The following RAB11FIP5 variants were observed in gnomAD, a reference collection of about 807,000 sequenced individuals.
The protein encoded by RAB11FIP5 is rab11 family-interacting protein 5.
Under a neutral mutation model 85.1 loss-of-function variants are expected in RAB11FIP5, and 48 were observed. The observed-to-expected ratio is 0.56, with a 90% CI of 0.45 to 0.72. The LOEUF (loss-of-function observed/expected upper bound fraction) is 0.72. Among genes scored for constraint, RAB11FIP5 ranks in the 30% least tolerant of loss-of-function variants. RAB11FIP5 has a pLI of 0.00. For synonymous variants in RAB11FIP5, 729 were observed against 727.3 expected, an observed-to-expected ratio of 1.00 and a Z score of -0.04; for missense variants, 1,491 against 1,687.0, an observed-to-expected ratio of 0.88 and a Z score of 2.04.
Position 73,109,788 on chromosome 2 carries a change from G to T in RAB11FIP5, c.431+2559C>A, listed in dbSNP as rs181192808. Among the ~76,000 whole-genome samples the T allele has an allele frequency of 2.9e-4, 44 of 152,212 alleles. No homozygotes were observed. In the East Asian group the frequency reaches 6.6e-3, roughly 23 times the overall value. On this transcript the variant is annotated intron_variant, in intron 1 of 5. Transcript: ENST00000486777. Reference sequence around the variant, plus strand: ...GTACTCCGTCACCCATGGTCCTAAGGCTTTCCTAGGCTCTAAGTTCTAGAC... The same window carrying T: ...GTACTCCGTCACCCATGGTCCTAAGTCTTTCCTAGGCTCTAAGTTCTAGAC...
At chr2:73,096,547 CCAAA>C (rs1684323702) in intron 1 of RAB11FIP5, among the ~76,000 whole-genome samples, 1 of 152,162 alleles carries the variant, frequency 6.6e-6, no homozygotes, top group Non-Finnish European at 1.5e-5. Flanking sequence ...ATTCCAGACT[CCAAA>C]CAACCTAGAA....
At chr2:73,082,007 C>G (rs888218676) in intron 3 of RAB11FIP5, among the ~76,000 whole-genome samples, 1 of 150,454 alleles carries the variant, frequency 6.6e-6, no homozygotes, top group Non-Finnish European at 1.5e-5. Flanking sequence ...GAATTTACAT[C>G]TGGGAAAACT....
intron 1 of RAB11FIP5, among the ~76,000 whole-genome samples, chr2:73,100,407 C>T (rs945045559): frequency 6.1e-5 from 9 of 148,568 alleles, no homozygotes; most frequent in South Asian, 2.1e-4. Context: ...TGAAAAATAA[C>T]GGGTTTTTTT....
rs1411409678 is a variant in RAB11FIP5, at chr2:73,088,180, G to A, written c.1438C>T (p.Arg480Ter). Residue 480 changes from arginine (R) to a stop codon, truncating the protein, a stop_gained, in exon 3 of 6, where the codon CGA (arginine) becomes TGA (stop). Coordinates refer to ENST00000486777, the MANE Select transcript of RAB11FIP5 (RefSeq NM_001371272.1). LOFTEE classifies it high-confidence loss of function. ...CCCCCCTTTTCCCCCAGAGAGCTTC[G>A]GCGACCCAACTCGCTCCGACTTAGG... ...QGLSRSELGR[R>*]SSLGEKGGPI... 12 of 1,613,788 alleles carry A rather than the reference G, an allele frequency of 7.4e-6. No individual in the cohort carries two copies. Among genetic ancestry groups the A allele is most frequent in the Admixed American group, 3.3e-5 (2 of 59,998 alleles).
chr2:73,112,101 G>A (rs2106128691), intron 1 of RAB11FIP5, among the ~76,000 whole-genome samples: 2 of 152,228 alleles, frequency 1.3e-5, no homozygotes, highest in Middle Eastern at 6.8e-3. Context: ...TACTCCTAAC[G>A]TTCGCCACCA....
intron 3 of RAB11FIP5, among the ~76,000 whole-genome samples, chr2:73,083,433 C>T (rs1038738138): frequency 3.3e-5 from 5 of 152,120 alleles, no homozygotes; most frequent in African/African-American, 7.2e-5. Context: ...ATCAGTTTCC[C>T]GAGAGTCTCC....
rs1684136315 is a variant in RAB11FIP5, at chr2:73,088,451, T to G, written c.1167A>C (p.Arg389Ser). ...CTGAGCTGCTGTTGCTACGACTGCCTCTGGGCCAGGTGTCATCTGTGGAAC... is the reference window on the plus strand; with the variant it reads ...CTGAGCTGCTGTTGCTACGACTGCCGCTGGGCCAGGTGTCATCTGTGGAAC... The part of the protein sequence containing the change: ...GPRSTDDTWP[R>S]GSRSNSSSEA... The change falls in exon 3 of 6, where the codon AGA (arginine) becomes AGC (serine). Residue 389 changes from arginine to serine, a missense_variant. Arg to Ser is a moderately radical substitution (Grantham distance 110). This residue lies in a region of RAB11FIP5 where 1,211 missense variants were observed against 1,338.0 expected (regional missense o/e 0.91). Coordinates refer to ENST00000486777, the MANE Select transcript of RAB11FIP5 (RefSeq NM_001371272.1). The G allele has an allele frequency of 1.2e-6, 2 of 1,613,812 alleles. No homozygotes were observed. The highest frequency in any genetic ancestry group is 2.2e-5 in the South Asian group (2 of 91,082).
In RAB11FIP5 at chr2:73,076,151, G is replaced by A; in HGVS notation, c.3613C>T (p.Pro1205Ser). 1 of 1,613,162 alleles carries A rather than the reference G, an allele frequency of 6.2e-7. No individual in the cohort carries two copies. Among genetic ancestry groups the A allele is most frequent in the South Asian group, 1.1e-5 (1 of 91,066 alleles). The change falls in exon 5 of 6, where the codon CCT becomes TCT. Residue 1205 changes from proline (P) to serine (S), a missense_variant. By Grantham distance (74) the Pro-to-Ser change is moderately conservative. Coordinates refer to ENST00000486777, the MANE Select transcript of RAB11FIP5 (RefSeq NM_001371272.1). The part of the protein sequence containing the change: ...PHPVKPLSAA[P>S]VEGSPDRKQS... ...TTCCTGTCGGGGCTGCCCTCCACAG[G>A]GGCGGCACTGAGGGGCTTCACGGGG...
At position 73,080,971 on chromosome 2, in the gene RAB11FIP5, G is replaced by A; in HGVS notation, c.2261C>T (p.Ser754Leu). The A allele has an allele frequency of 8.1e-7, 1 of 1,232,308 alleles. No individual in the cohort carries two copies. Among genetic ancestry groups the A allele is most frequent in the Non-Finnish European group, 1.0e-6 (1 of 988,080 alleles). The allele number at this position is 1,232,308 out of a possible 1,614,324, so 76.3% of individuals were successfully genotyped here. A position where few individuals can be genotyped will look rare whatever the true frequency, so the allele number is the denominator to read the frequency against. ...TGAGGCTCTCAGCTGTAGCTGGGCT[G>A]ACGAGGAGGGCAGGCCAGCCCCTAC... ...GSVGAGLPSS[S>L]AQLQLRASGS... The change falls in exon 4 of 6, where the codon TCA (serine) becomes TTA (leucine). Residue 754 changes from serine to leucine, a missense_variant. Coordinates refer to ENST00000486777, the MANE Select transcript of RAB11FIP5 (RefSeq NM_001371272.1).
Position 73,112,368 on chromosome 2 carries a change from G to A in RAB11FIP5, c.410C>T (p.Ala137Val). The A allele has an allele frequency of 6.3e-7, 1 of 1,594,912 alleles. No individual in the cohort carries two copies. The highest frequency in any genetic ancestry group is 8.5e-7 in the Non-Finnish European group (1 of 1,175,432). The stretch of plus-strand genomic sequence containing the variant: ...TCACTGCGTGTGCTGGGCGCGGCCT[G>A]CGCCGAAGACCTCGTCCAGCGCCAC... ...ATVALDEVFGAGRAQHTQWYK... is the reference protein window; with the variant it reads ...ATVALDEVFGVGRAQHTQWYK... The change falls in exon 1 of 6, where the codon GCA (alanine) becomes GTA (valine). Residue 137 changes from alanine (A) to valine (V), a missense_variant. Transcript: ENST00000486777.
At chr2:73,095,438 T>C (rs1471360463) in intron 1 of RAB11FIP5, among the ~76,000 whole-genome samples, 1 of 152,212 alleles carries the variant, frequency 6.6e-6, no homozygotes, top group Non-Finnish European at 1.5e-5. Context: ...TAGGTGGACC[T>C]GAGAGAGCTC....
At position 73,081,309 on chromosome 2, in the gene RAB11FIP5, AG is replaced by A; in HGVS notation, c.1922del (p.Pro641LeufsTer49). 1 of 1,232,660 alleles carries A rather than the reference AG, an allele frequency of 8.1e-7. No homozygotes were observed. Among genetic ancestry groups the A allele is most frequent in the Non-Finnish European group, 1.0e-6 (1 of 988,408 alleles). 76.4% of individuals were successfully genotyped at this position (1,232,660 alleles called of 1,614,324 possible). A position where few individuals can be genotyped will look rare whatever the true frequency, so the allele number is the denominator to read the frequency against. Reference sequence around the variant, plus strand: ...TGTCCCACTCAGGCAGGGCTTTCCCAGGGGAGGCCAGGGGGGTGGGGCTGGC... The same window carrying A: ...TGTCCCACTCAGGCAGGGCTTTCCCAGGGAGGCCAGGGGGGTGGGGCTGGC... ...SRASPTPLAS[P>X]GKALPEWDNT... On this transcript the variant is annotated frameshift_variant, in exon 4 of 6. Transcript: ENST00000486777. LOFTEE classifies it high-confidence loss of function. The surrounding 1 kb of genome is among the most constrained non-coding windows in gnomAD (Gnocchi z 4.2).
chr2:73,101,309 C>A (rs1367793009), intron 1 of RAB11FIP5, among the ~76,000 whole-genome samples: 4 of 152,110 alleles, frequency 2.6e-5, no homozygotes, highest in Non-Finnish European at 4.4e-5. Context: ...GGGGCGGGAA[C>A]TTCCAAAGGG....
chr2:73,081,566 T>C lies in RAB11FIP5; in HGVS notation c.1666A>G (p.Thr556Ala). The C allele has an allele frequency of 1.7e-6, 2 of 1,203,164 alleles. No individual in the cohort carries two copies. The highest frequency in any genetic ancestry group is 2.1e-6 in the Non-Finnish European group (2 of 962,432). The allele number at this position is 1,203,164 out of a possible 1,614,324, so 74.5% of individuals were successfully genotyped here. Residue 556 changes from threonine to alanine, a missense_variant, in exon 4 of 6, where the codon ACT becomes GCT. By Grantham distance (58) the Thr-to-Ala change is moderately conservative (BLOSUM62 0). Transcript: ENST00000486777. This position sits in a 1 kb window ranked among gnomAD's most constrained non-coding sequence, Gnocchi z 4.2. ...TTAGTGCTTAGCATGGGAGCAGCAG[T>C]GGGAGCAGGAGTGGGAGGGGCCGGA... ...WAPAPPTPAP[T>A]AAPMLSTNLF...
rs1683932789 is a variant in RAB11FIP5 at position 73,079,767 on chromosome 2, T to C, written c.3465A>G (p.Pro1155=). Residue 1155 remains proline, a synonymous_variant, in exon 4 of 6, where the codon CCA becomes CCG. Transcript: ENST00000486777. ...TAAGTAGGGCAGGGGAGCCCCCAGG[T>C]GGGGAGGGCTCATGGGGGCCAGGGA... ...ALLPGPHEPS[P]PGGSPALLRE... 8.1e-7 allele frequency: 1 copy of C among 1,231,762 alleles called. No homozygotes were observed. The highest frequency in any genetic ancestry group is 1.6e-5 in the African/African-American group (1 of 64,224). The allele number at this position is 1,231,762 out of a possible 1,614,324, so 76.3% of individuals were successfully genotyped here. A position where few individuals can be genotyped will look rare whatever the true frequency, so the allele number is the denominator to read the frequency against.
Position 73,080,158 on chromosome 2 carries a change from C to T in RAB11FIP5, c.3074G>A (p.Gly1025Glu). Reference protein sequence around the residue: ...SQHIWGTPEVGEGPEAPEAQG... With the variant: ...SQHIWGTPEVEEGPEAPEAQG... ...GGCCTCAGGAGCCTCAGGGCCTTCT[C>T]CAACCTCTGGAGTCCCCCAGATGTG... The change falls in exon 4 of 6, where the codon GGA (glycine) becomes GAA (glutamate). Residue 1025 changes from glycine to glutamate, a missense_variant. Physicochemically the swap from Gly to Glu is moderately conservative, Grantham distance 98 (BLOSUM62 -2). This residue lies in a region of RAB11FIP5 where 1,211 missense variants were observed against 1,338.0 expected (regional missense o/e 0.91). Transcript: ENST00000486777. 8.1e-7 allele frequency: 1 copy of T among 1,232,184 alleles called. No individual in the cohort carries two copies. The highest frequency in any genetic ancestry group is 1.0e-6 in the Non-Finnish European group (1 of 988,018). 76.3% of individuals were successfully genotyped at this position (1,232,184 alleles called of 1,614,324 possible). A position where few individuals can be genotyped will look rare whatever the true frequency, so the allele number is the denominator to read the frequency against.
chr2:73,079,723 G>T lies in RAB11FIP5; in HGVS notation c.3509C>A (p.Ala1170Asp). ...AAGCACAAGCGGGGAGGCTGGGGTGGCTGCAGCGAGGTCCTCCCTAAGTAG... is the reference window on the plus strand; with the variant it reads ...AAGCACAAGCGGGGAGGCTGGGGTGTCTGCAGCGAGGTCCTCCCTAAGTAG... ...PALLREDLAA[A>D]TPASPLVLLP... Residue 1170 changes from alanine (A) to aspartate (D), a missense_variant, in exon 4 of 6, where the codon GCC (alanine) becomes GAC (aspartate). By Grantham distance (126) the Ala-to-Asp change is moderately radical. Around this residue, in one of 3 missense-constraint regions of RAB11FIP5, gnomAD observed 232 missense variants for 259.1 expected, o/e 0.90. Transcript: ENST00000486777. 1 of 1,233,166 alleles carries T rather than the reference G, an allele frequency of 8.1e-7. No homozygotes were observed. The highest frequency in any genetic ancestry group is 1.0e-6 in the Non-Finnish European group (1 of 988,814). The allele number at this position is 1,233,166 out of a possible 1,614,324, so 76.4% of individuals were successfully genotyped here. A position where few individuals can be genotyped will look rare whatever the true frequency, so the allele number is the denominator to read the frequency against.
chr2:73,112,629 A>G lies in RAB11FIP5; in HGVS notation c.149T>C (p.Val50Ala). The G allele has an allele frequency of 6.2e-7, 1 of 1,601,668 alleles. No individual in the cohort carries two copies. The highest frequency in any genetic ancestry group is 8.5e-7 in the Non-Finnish European group (1 of 1,175,564). ...STSDAYTVIQVGREKYSTSVV... is the reference protein window; with the variant it reads ...STSDAYTVIQAGREKYSTSVV... ...CGACGTACTGTACTTCTCGCGGCCC[A>G]CCTGGATCACCGTGTACGCGTCGCT... Residue 50 changes from valine (V) to alanine (A), a missense_variant, in exon 1 of 6, where the codon GTG becomes GCG. Physicochemically the swap from Val to Ala is moderately conservative, Grantham distance 64. This residue lies in a region of RAB11FIP5 where 1,211 missense variants were observed against 1,338.0 expected (regional missense o/e 0.91). Coordinates refer to ENST00000486777, the MANE Select transcript of RAB11FIP5 (RefSeq NM_001371272.1).
At chr2:73,104,870 C>T (rs6740844) in intron 1 of RAB11FIP5, among the ~76,000 whole-genome samples, 1,913 of 152,306 alleles carry the variant, frequency 0.013, 24 homozygotes, top group African/African-American at 0.042. Flanking sequence ...AGGAATTGTC[C>T]TTGCTGCGTT....
Sources: gnomAD v4.1 joint callset for allele counts (sites outside exome capture counted in the v4.1 genomes callset) on GRCh38, gnomAD v4.1.1 for gene constraint, gnomAD v4.1.1 regional missense constraint, Gnocchi (gnomAD v3.1) non-coding constraint, MANE v1.5 for transcripts, NCBI Gene and HGNC (gene_info 2026-07-23, HGNC 2026-07-21) for gene names.